The following SLCO3A1 variants were observed in gnomAD, a reference collection of about 807,000 sequenced individuals.
SLCO3A1 encodes the protein PGE1 transporter.
A neutral mutation model predicts 63.1 loss-of-function variants in SLCO3A1; 27 were observed. The observed-to-expected ratio is 0.43, with a 90% CI of 0.32 to 0.59. SLCO3A1 has a LOEUF of 0.59. SLCO3A1 is among the 20% of genes least tolerant of loss of function. The pLI, the probability that SLCO3A1 is intolerant of heterozygous loss-of-function variation, is 0.09. For synonymous variants in SLCO3A1, 473 were observed against 409.9 expected (o/e 1.15, Z -1.86); for missense variants, 773 against 945.8 (o/e 0.82, Z 2.40).
Position 92,165,518 on chromosome 15 carries a change from A to T in SLCO3A1, c.*2383A>T, listed in dbSNP as rs990168539. The stretch of plus-strand genomic sequence containing the variant: ...TTGCTTTGAGAGAAAAAAAAAAGAA[A>T]GTTTTTTAAACTCTTTGCATTTTGG... On this transcript the variant is annotated 3_prime_UTR_variant, in exon 10 of 10. Coordinates refer to ENST00000318445, the MANE Select transcript of SLCO3A1 (RefSeq NM_013272.4). The T allele has an allele frequency of 1.0e-6, 1 of 981,538 alleles. No homozygotes were observed. The highest frequency in any genetic ancestry group is 1.8e-5 in the African/African-American group (1 of 56,902). The allele number at this position is 981,538 out of a possible 1,614,324, so 60.8% of individuals were successfully genotyped here.
chr15:91,927,011 G>A (rs1159554814), intron 2 of SLCO3A1, among the ~76,000 whole-genome samples: 1 of 152,142 alleles, frequency 6.6e-6, no homozygotes, highest in Non-Finnish European at 1.5e-5. Flanking sequence ...GGCATTTAGA[G>A]ACTGGAATGT....
rs547990781 is a variant in SLCO3A1, at chr15:91,924,881, A to G, written c.646+8423A>G. 1.1e-4 allele frequency among the ~76,000 whole-genome samples: 16 copies of G among 152,376 alleles called. No individual in the cohort carries two copies. In the South Asian group the frequency reaches 2.9e-3, roughly 28 times the overall value. On this transcript the variant is annotated intron_variant, in intron 2 of 9. Transcript: ENST00000318445. ...CCATTTGTGGCTGGTTGGGGCCTACAGATATTTACTGTGTGTGCAAGAGCA... is the reference window on the plus strand; with the variant it reads ...CCATTTGTGGCTGGTTGGGGCCTACGGATATTTACTGTGTGTGCAAGAGCA...
intron 2 of SLCO3A1, among the ~76,000 whole-genome samples, chr15:91,986,610 G>T (rs892183173): frequency 6.6e-6 from 1 of 151,916 alleles, no homozygotes; most frequent in Non-Finnish European, 1.5e-5. Context: ...AAAAAACTAG[G>T]TTTCAAAATC....
chr15:91,935,601 C>T (rs1454124154), intron 2 of SLCO3A1, among the ~76,000 whole-genome samples: 1 of 152,182 alleles, frequency 6.6e-6, no homozygotes, highest in East Asian at 1.9e-4. Context: ...GGAGTAACGC[C>T]TCAGCTTTTT....
At chr15:92,053,521 G>A (rs1232739220) in intron 2 of SLCO3A1, among the ~76,000 whole-genome samples, 3 of 151,970 alleles carry the variant, frequency 2.0e-5, no homozygotes, top group East Asian at 1.9e-4. Context: ...GATCCCATCC[G>A]GGACATCGCA....
At position 92,163,556 on chromosome 15, in the gene SLCO3A1, TAA is replaced by T; in HGVS notation, c.*432_*433del. ...AGAAGTTTCCTAAAATAAAAAAAAT[TAA>T]AAAAAAAAAACCCACAAGTTGAAAA... On this transcript the variant is annotated 3_prime_UTR_variant, in exon 10 of 10. Coordinates refer to ENST00000318445, the MANE Select transcript of SLCO3A1 (RefSeq NM_013272.4). 1.4e-5 allele frequency: 10 copies of T among 715,942 alleles called. No homozygotes were observed. The highest frequency in any genetic ancestry group is 5.8e-5 in the South Asian group (1 of 17,208). The allele number at this position is 715,942 out of a possible 1,614,324, so 44.3% of individuals were successfully genotyped here.
intron 1 of SLCO3A1, among the ~76,000 whole-genome samples, chr15:91,880,246 A>G (rs1347369749): frequency 2.0e-5 from 3 of 151,980 alleles, no homozygotes; most frequent in African/African-American, 7.3e-5. Flanking sequence ...AATAATCCAG[A>G]GTGATCCTGT....
Position 91,950,343 on chromosome 15 carries a change from C to T in SLCO3A1, c.646+33885C>T, listed in dbSNP as rs368642444. ...GGTGAAGACAGCCAGTCGTGTTGCA[C>T]GTGGGACAGGGGCCCTGGCTGGGCA... On this transcript the variant is annotated intron_variant, in intron 2 of 9. Coordinates refer to ENST00000318445, the MANE Select transcript of SLCO3A1 (RefSeq NM_013272.4). The surrounding 1 kb of genome is among the most constrained non-coding windows in gnomAD (Gnocchi z 4.4). Among the ~76,000 whole-genome samples the T allele has an allele frequency of 1.2e-3, 178 of 152,222 alleles. No individual in the cohort carries two copies. The highest frequency in any genetic ancestry group is 3.2e-3 in the Admixed American group (49 of 15,302).
At position 91,916,818 on chromosome 15, in the gene SLCO3A1, T is replaced by C. The variant is rs1261799838; in HGVS notation, c.646+360T>C. Among the ~76,000 whole-genome samples, 2 of 152,198 alleles carry C rather than the reference T, an allele frequency of 1.3e-5. No homozygotes were observed. Among genetic ancestry groups the C allele is most frequent in the East Asian group, 1.9e-4 (1 of 5,192 alleles). On this transcript the variant is annotated intron_variant, in intron 2 of 9. Transcript: ENST00000318445. This position sits in a 1 kb window ranked among gnomAD's most constrained non-coding sequence, Gnocchi z 6.2. ...CAAGGTATACTTGGGGTCTACACAT[T>C]GGAAACTCCAGCTTTGAAGAATCAG... is the stretch of plus-strand genomic sequence containing the variant.
chr15:91,942,572 T>C lies in SLCO3A1; in HGVS notation c.646+26114T>C, dbSNP rs1899659090. On this transcript the variant is annotated intron_variant, in intron 2 of 9. Coordinates refer to ENST00000318445, the MANE Select transcript of SLCO3A1 (RefSeq NM_013272.4). The surrounding 1 kb of genome is among the most constrained non-coding windows in gnomAD (Gnocchi z 4.1). ...TTTTGCAACAGAACTCTGCTGGAAA[T>C]GTATGTTTGTTTGTTTGTTTGTTTG... 1.3e-5 allele frequency among the ~76,000 whole-genome samples: 2 copies of C among 150,488 alleles called. No homozygotes were observed. Among genetic ancestry groups the C allele is most frequent in the Admixed American group, 1.3e-4 (2 of 15,212 alleles).
At chr15:92,054,453 A>T (rs865977871) in intron 2 of SLCO3A1, among the ~76,000 whole-genome samples, 1 of 152,048 alleles carries the variant, frequency 6.6e-6, no homozygotes, top group African/African-American at 2.4e-5. Context: ...AAAGCCCTCT[A>T]TTATTGTTTT....
intron 2 of SLCO3A1, among the ~76,000 whole-genome samples, chr15:91,922,247 A>G (rs956283827): frequency 4.6e-5 from 7 of 152,098 alleles, no homozygotes; most frequent in Non-Finnish European, 7.4e-5. Context: ...CTGAGGATGG[A>G]TGTTCTGGAG....
At chr15:92,070,702 T>G (rs1326410459) in intron 2 of SLCO3A1, among the ~76,000 whole-genome samples, 1 of 151,872 alleles carries the variant, frequency 6.6e-6, no homozygotes, top group African/African-American at 2.4e-5. Flanking sequence ...GGATTTGCTT[T>G]AACATAAGGA....
chr15:92,018,295 C>G (rs991765956), intron 2 of SLCO3A1, among the ~76,000 whole-genome samples: 1 of 152,158 alleles, frequency 6.6e-6, no homozygotes, highest in African/African-American at 2.4e-5. Flanking sequence ...CTGCTGTCAG[C>G]ACCATCCTTG....
chr15:92,115,091 G>A (rs1196147108), intron 4 of SLCO3A1, among the ~76,000 whole-genome samples: 1 of 152,056 alleles, frequency 6.6e-6, no homozygotes, highest in Non-Finnish European at 1.5e-5. Context: ...GCCAACTTCA[G>A]TAGAGAAGAT....
intron 7 of SLCO3A1, among the ~76,000 whole-genome samples, chr15:92,146,517 C>T (rs897166807): frequency 2.0e-5 from 3 of 152,180 alleles, no homozygotes; most frequent in East Asian, 1.9e-4. Context: ...AGCCTTTGTT[C>T]CAAGTGCCGT....
At chr15:91,867,779 G>C (rs1012495604) in intron 1 of SLCO3A1, among the ~76,000 whole-genome samples, 1 of 152,220 alleles carries the variant, frequency 6.6e-6, no homozygotes, top group Admixed American at 6.5e-5. Flanking sequence ...AAGGTAGCCT[G>C]TGAGTGGAGC....
intron 7 of SLCO3A1, among the ~76,000 whole-genome samples, chr15:92,133,354 C>T (rs1726259105): frequency 6.8e-6 from 1 of 146,252 alleles, no homozygotes. Flanking sequence ...CTCACCATGA[C>T]CATATTTGCC....
intron 1 of SLCO3A1, among the ~76,000 whole-genome samples, chr15:91,914,366 GA>G (rs1007370366): frequency 3.9e-5 from 6 of 152,216 alleles, no homozygotes; most frequent in African/African-American, 1.4e-4. Flanking sequence ...CTGTTTTGTA[GA>G]ATCCAGGCTG....
Sources: gnomAD v4.1 joint callset for allele counts (sites outside exome capture counted in the v4.1 genomes callset) on GRCh38, gnomAD v4.1.1 for gene constraint, Gnocchi (gnomAD v3.1) non-coding constraint, MANE v1.5 for transcripts, NCBI Gene and HGNC (gene_info 2026-07-23, HGNC 2026-07-21) for gene names.